BAG4: variants seen among roughly 807,000 people sequenced by gnomAD.
BAG4 encodes the protein BAG cochaperone 4.
In BAG4, 28 loss-of-function variants were observed where a neutral mutation model predicts 52.1. The observed-to-expected ratio is 0.54, with a 90% CI of 0.40 to 0.74. The LOEUF (loss-of-function observed/expected upper bound fraction) is 0.74, where lower values mean the gene tolerates loss of function less well. Among genes scored for constraint, BAG4 ranks in the 30% least tolerant of loss-of-function variants. The probability of loss-of-function intolerance (pLI) is 0.00; values close to 1 mark genes in which losing one functional copy is unlikely to be tolerated. For synonymous variants in BAG4, 208 were observed against 217.0 expected (o/e 0.96, Z 0.37); for missense variants, 525 against 572.0 (o/e 0.92, Z 0.84).
intron 2 of BAG4, among the ~76,000 whole-genome samples, chr8:38,203,321 C>T (rs373994810): frequency 7.5e-6 from 1 of 133,956 alleles, no homozygotes; most frequent in African/African-American, 2.8e-5. Flanking sequence ...TTCACTCTGT[C>T]GCCCAGGCTG....
At chr8:38,184,466 CAAATAAAATAAAATAAAATAAAATA>C in intron 1 of BAG4, among the ~76,000 whole-genome samples, 1 of 146,708 alleles carries the variant, frequency 6.8e-6, no homozygotes, top group South Asian at 2.2e-4. Flanking sequence ...GACCCTGTCT[CAAATAAAATAAAATAAAATAAAATA>C]AAATAAAATA....
chr8:38,206,082 G>A (rs1293802981), intron 2 of BAG4, among the ~76,000 whole-genome samples: 1 of 151,334 alleles, frequency 6.6e-6, no homozygotes, highest in Non-Finnish European at 1.5e-5. Context: ...GAGGTCAGGA[G>A]TTCGAGACCA....
chr8:38,187,898 G>A (rs1343655378), intron 1 of BAG4, among the ~76,000 whole-genome samples: 4 of 150,360 alleles, frequency 2.7e-5, no homozygotes, highest in South Asian at 2.1e-4. Flanking sequence ...TTAGCCGGGC[G>A]TGGTGGCGGG....
intron 1 of BAG4, among the ~76,000 whole-genome samples, chr8:38,180,063 A>T (rs55928150): frequency 4.6e-5 from 7 of 152,036 alleles, no homozygotes; most frequent in African/African-American, 1.7e-4. Flanking sequence ...ATTTGTGCCC[A>T]CAGGGTGGGT....
chr8:38,178,160 T>G (rs945745029), intron 1 of BAG4, among the ~76,000 whole-genome samples: 4 of 141,492 alleles, frequency 2.8e-5, no homozygotes, highest in African/African-American at 5.1e-5. Flanking sequence ...GTTTTTTTTG[T>G]TTTTTTTTTT....
chr8:38,185,101 A>G (rs1803342701), intron 1 of BAG4, among the ~76,000 whole-genome samples: 3 of 151,870 alleles, frequency 2.0e-5, no homozygotes, highest in African/African-American at 7.3e-5. Flanking sequence ...AAAAAAAAAA[A>G]AAAAATAGAA....
intron 2 of BAG4, among the ~76,000 whole-genome samples, chr8:38,200,995 G>A (rs1803653979): frequency 6.6e-6 from 1 of 152,194 alleles, no homozygotes; most frequent in Non-Finnish European, 1.5e-5. Context: ...AAAACTCATA[G>A]TCATGAATTA....
intron 1 of BAG4, among the ~76,000 whole-genome samples, chr8:38,186,498 TG>T (rs1803368482): frequency 6.6e-6 from 1 of 152,152 alleles, no homozygotes; most frequent in Non-Finnish European, 1.5e-5. Flanking sequence ...CGGAGGTTGT[TG>T]TGCAAAGCAA....
intron 1 of BAG4, among the ~76,000 whole-genome samples, chr8:38,191,512 A>G (rs1317088057): frequency 6.6e-6 from 1 of 152,186 alleles, no homozygotes; most frequent in Non-Finnish European, 1.5e-5. Context: ...TAATTCCAGC[A>G]CTTTGGGAAG....
intron 2 of BAG4, among the ~76,000 whole-genome samples, chr8:38,206,222 C>T (rs1466539142): frequency 2.0e-5 from 3 of 150,568 alleles, no homozygotes; most frequent in Non-Finnish European, 4.4e-5. Context: ...TTGCAGTGAG[C>T]CAAGATCTTG....
At chr8:38,194,667 GCCTCC>G (rs1803532787) in intron 2 of BAG4, among the ~76,000 whole-genome samples, 1 of 151,376 alleles carries the variant, frequency 6.6e-6, no homozygotes, top group Non-Finnish European at 1.5e-5. Flanking sequence ...GCCCACCTTG[GCCTCC>G]CAAAGTGCTG....
chr8:38,182,987 AACCACC>A (rs111353274), intron 1 of BAG4, among the ~76,000 whole-genome samples: 9 of 149,132 alleles, frequency 6.0e-5, no homozygotes, highest in African/African-American at 2.2e-4. Context: ...ACAATTACAT[AACCACC>A]ACCACCACCA....
intron 2 of BAG4, chr8:38,202,299 T>G (rs1463950131): frequency 6.6e-6 from 1 of 152,272 alleles, no homozygotes; most frequent in African/African-American, 2.4e-5. Context: ...CAGGTCTCCC[T>G]CTGTCACCCA....
At chr8:38,209,562 T>C in intron 4 of BAG4, 1 of 434,988 alleles carries the variant, frequency 2.3e-6, no homozygotes, top group Non-Finnish European at 4.1e-6. Flanking sequence ...CTACTTCAAA[T>C]AATCTATGAA....
chr8:38,200,076 G>A (rs554386343), intron 2 of BAG4, among the ~76,000 whole-genome samples: 1 of 149,790 alleles, frequency 6.7e-6, no homozygotes, highest in African/African-American at 2.5e-5. Flanking sequence ...TGCAATCTCT[G>A]CTCACTGAAA....
intron 1 of BAG4, among the ~76,000 whole-genome samples, chr8:38,185,177 G>T (rs1195908758): frequency 6.6e-6 from 1 of 152,058 alleles, no homozygotes; most frequent in Non-Finnish European, 1.5e-5. Context: ...TTACAGTTGG[G>T]TGCCTGGCAT....
intron 2 of BAG4, among the ~76,000 whole-genome samples, chr8:38,205,112 C>T (rs1385468767): frequency 6.6e-6 from 1 of 150,786 alleles, no homozygotes; most frequent in Non-Finnish European, 1.5e-5. Context: ...CTCACTGTAA[C>T]ATTGAACTCC....
rs201044060 is a variant in BAG4, at chr8:38,210,107, G to A, written c.988G>A (p.Asp330Asn). The change falls in exon 5 of 5, where the codon GAT becomes AAT. Residue 330 changes from aspartate to asparagine, a missense_variant. Coordinates refer to ENST00000287322, the MANE Select transcript of BAG4 (RefSeq NM_004874.4). ...CGAATCCTCGGGGACAGTGAACAAT[G>A]ATGATTCAGATCTTTTGGATTCCCA... ...QYESSGTVNN[D>N]DSDLLDSQVQ... 169 of 1,614,044 alleles carry A rather than the reference G, an allele frequency of 1.0e-4. No individual in the cohort carries two copies. Among genetic ancestry groups the A allele is most frequent in the South Asian group, 7.7e-5 (7 of 91,080 alleles).
intron 1 of BAG4, among the ~76,000 whole-genome samples, chr8:38,182,952 G>A (rs560111491): frequency 1.4e-5 from 2 of 146,498 alleles, no homozygotes; most frequent in South Asian, 4.4e-4. Flanking sequence ...TTAGGGTATA[G>A]TTCTGTGAGT....
Sources: allele counts gnomAD v4.1 joint callset (sites outside exome capture counted in the v4.1 genomes callset), GRCh38; gene constraint gnomAD v4.1.1; transcripts MANE v1.5; gene names NCBI Gene and HGNC (gene_info 2026-07-23, HGNC 2026-07-21).